Variants in TWSG1 observed in about 807,000 individuals in gnomAD.
TWSG1 encodes twisted gastrulation protein homolog 1.
TWSG1 carries 15 observed loss-of-function variants against 23.0 expected under a neutral mutation model. The ratio of observed to expected loss-of-function variants is 0.65; its 90% CI spans 0.44 to 1.00. The LOEUF is 1.00. Ranked by LOEUF, TWSG1 falls within the 50% of genes least tolerant of loss-of-function variation. The probability of loss-of-function intolerance (pLI) is 0.00; values close to 1 mark genes in which losing one functional copy is unlikely to be tolerated. For missense variants in TWSG1, 242 were observed against 278.7 expected (o/e 0.87, Z 0.94); for synonymous variants, 86 against 92.8 (o/e 0.93, Z 0.42).
intron 3 of TWSG1, among the ~76,000 whole-genome samples, chr18:9,362,049 G>A (rs745460157): frequency 6.6e-5 from 10 of 152,198 alleles, no homozygotes; most frequent in Non-Finnish European, 1.3e-4. Flanking sequence ...AATTCTGAGA[G>A]AATGGGGGCA....
intron 2 of TWSG1, among the ~76,000 whole-genome samples, chr18:9,356,733 C>T (rs1246327927): frequency 6.6e-6 from 1 of 151,980 alleles, no homozygotes; most frequent in Non-Finnish European, 1.5e-5. Flanking sequence ...AAAGGAAATG[C>T]TCATTGAAAG....
chr18:9,341,140 A>T (rs1207238900), intron 2 of TWSG1, among the ~76,000 whole-genome samples: 2 of 152,188 alleles, frequency 1.3e-5, no homozygotes, highest in African/African-American at 4.8e-5. Context: ...AGTGGAGGGA[A>T]CATAGGCCCC....
intron 3 of TWSG1, among the ~76,000 whole-genome samples, chr18:9,383,033 T>A (rs536526485): frequency 2.0e-5 from 3 of 152,006 alleles, no homozygotes; most frequent in African/African-American, 7.2e-5. Flanking sequence ...TATGGCTAGA[T>A]GTTTGTAAAT....
intron 3 of TWSG1, among the ~76,000 whole-genome samples, chr18:9,367,564 G>A (rs553274903): frequency 1.1e-4 from 17 of 152,114 alleles, no homozygotes; most frequent in Non-Finnish European, 1.8e-4. Context: ...CTTAGGAACC[G>A]GGCCACATAG....
Position 9,356,121 on chromosome 18 carries a change from G to T in TWSG1, c.124-3851G>T, listed in dbSNP as rs12104055. Among the ~76,000 whole-genome samples the T allele has an allele frequency of 0.041, 6,191 of 152,242 alleles. 821 individuals carry two copies. In the East Asian group the frequency reaches 0.49, roughly 12 times the overall value. ...TCTCTTTAATTGTACAGTAATGAAAGCTTATCTCTGTCGTTTCCCTCTTGT... is the reference window on the plus strand; with the variant it reads ...TCTCTTTAATTGTACAGTAATGAAATCTTATCTCTGTCGTTTCCCTCTTGT... On this transcript the variant is annotated intron_variant, in intron 2 of 4. Coordinates refer to ENST00000262120, the MANE Select transcript of TWSG1 (RefSeq NM_020648.6).
At chr18:9,357,908 G>A (rs2040534480) in intron 2 of TWSG1, among the ~76,000 whole-genome samples, 1 of 152,082 alleles carries the variant, frequency 6.6e-6, no homozygotes, top group Non-Finnish European at 1.5e-5. Context: ...GCTAATGGCA[G>A]GGTTAACATC....
rs567068328 is a variant in TWSG1, at chr18:9,392,483, G to A, written c.224-3797G>A. ...CCTTGCTCTGGATTGAACTTTAAGG[G>A]AATATTTTGGCTGGTTTGATCTATC... On this transcript the variant is annotated intron_variant, in intron 3 of 4. Coordinates refer to ENST00000262120, the MANE Select transcript of TWSG1 (RefSeq NM_020648.6). Among the ~76,000 whole-genome samples the A allele has an allele frequency of 5.3e-5, 8 of 152,288 alleles. No homozygotes were observed. The South Asian group carries it at 1.4e-3, about 28-fold the overall frequency.
intron 3 of TWSG1, among the ~76,000 whole-genome samples, chr18:9,374,282 A>C (rs954011771): frequency 6.6e-6 from 1 of 152,204 alleles, no homozygotes; most frequent in Non-Finnish European, 1.5e-5. Context: ...AAAATGGATG[A>C]TCTTCTAACT....
chr18:9,355,202 T>C (rs2040520359), intron 2 of TWSG1, among the ~76,000 whole-genome samples: 1 of 152,160 alleles, frequency 6.6e-6, no homozygotes, highest in Non-Finnish European at 1.5e-5. Context: ...GTGATCCGCC[T>C]GCCTTGGCCT....
chr18:9,334,899 C>T lies in TWSG1; in HGVS notation c.-59C>T, dbSNP rs1420716744. 1 of 152,362 alleles carries T rather than the reference C, an allele frequency of 6.6e-6. No individual in the cohort carries two copies. The highest frequency in any genetic ancestry group is 1.5e-5 in the Non-Finnish European group (1 of 68,326). 9.4% of individuals were successfully genotyped at this position (152,362 alleles called of 1,614,324 possible). A position where few individuals can be genotyped will look rare whatever the true frequency, so the allele number is the denominator to read the frequency against. On this transcript the variant is annotated 5_prime_UTR_variant, in exon 1 of 5. Coordinates refer to ENST00000262120, the MANE Select transcript of TWSG1 (RefSeq NM_020648.6). The surrounding 1 kb of genome is among the most constrained non-coding windows in gnomAD (Gnocchi z 4.7). ...CCGGCGGGGATCTAGGGGTGGGCGA[C>T]TTCGCGGGACCGTGGCGCATGGTGA...
intron 3 of TWSG1, among the ~76,000 whole-genome samples, chr18:9,383,106 G>C (rs2040665841): frequency 6.6e-6 from 1 of 151,892 alleles, no homozygotes; most frequent in Non-Finnish European, 1.5e-5. Flanking sequence ...TGGAGACCAT[G>C]GAAAGGAGTT....
At chr18:9,340,903 C>T (rs2040443972) in intron 2 of TWSG1, among the ~76,000 whole-genome samples, 1 of 152,206 alleles carries the variant, frequency 6.6e-6, no homozygotes. Flanking sequence ...CTGCATATGA[C>T]TAGTGGCCAC....
At chr18:9,369,468 C>T (rs1436602223) in intron 3 of TWSG1, among the ~76,000 whole-genome samples, 1 of 152,098 alleles carries the variant, frequency 6.6e-6, no homozygotes, top group Non-Finnish European at 1.5e-5. Context: ...GGGGTTTCAC[C>T]ATGTTGGCCA....
intron 3 of TWSG1, among the ~76,000 whole-genome samples, chr18:9,380,322 C>G (rs534725527): frequency 2.0e-4 from 31 of 152,210 alleles, no homozygotes; most frequent in South Asian, 1.2e-3. Context: ...CTCCTAAGGT[C>G]AAATAACTAG....
intron 3 of TWSG1, among the ~76,000 whole-genome samples, chr18:9,380,255 T>C (rs1301975663): frequency 6.6e-6 from 1 of 152,064 alleles, no homozygotes; most frequent in South Asian, 2.1e-4. Flanking sequence ...AGTGTGAGAG[T>C]GTTATTTTCC....
At chr18:9,393,456 T>C (rs1255219016) in intron 3 of TWSG1, among the ~76,000 whole-genome samples, 1 of 152,246 alleles carries the variant, frequency 6.6e-6, no homozygotes, top group African/African-American at 2.4e-5. Flanking sequence ...AAACACTGTG[T>C]CACCTTGCCC....
At position 9,402,221 on chromosome 18, in the gene TWSG1, T is replaced by C. The variant is rs2145641534; in HGVS notation, c.*2694T>C. 6.6e-6 allele frequency: 1 copy of C among 152,302 alleles called. No individual in the cohort carries two copies. Among genetic ancestry groups the C allele is most frequent in the Admixed American group, 6.5e-5 (1 of 15,280 alleles). 9.4% of individuals were successfully genotyped at this position (152,302 alleles called of 1,614,324 possible). On this transcript the variant is annotated 3_prime_UTR_variant, in exon 5 of 5. Transcript: ENST00000262120. The stretch of plus-strand genomic sequence containing the variant: ...CATTAAAATGGAGAAAAGAAAGTTT[T>C]CTGAAAAAATGCAGTAAATATAAGC...
chr18:9,391,247 C>T (rs772843312), intron 3 of TWSG1, among the ~76,000 whole-genome samples: 12 of 152,184 alleles, frequency 7.9e-5, no homozygotes, highest in Admixed American at 2.6e-4. Context: ...CCTCAGGCTC[C>T]GCTTCTAATT....
intron 3 of TWSG1, among the ~76,000 whole-genome samples, chr18:9,389,386 TA>T (rs796204769): frequency 3.9e-5 from 6 of 152,326 alleles, no homozygotes; most frequent in African/African-American, 1.4e-4. Flanking sequence ...TACGTATAGA[TA>T]TAGTTATTAG....
Sources: gnomAD v4.1 joint callset for allele counts (sites outside exome capture counted in the v4.1 genomes callset) on GRCh38, gnomAD v4.1.1 for gene constraint, Gnocchi (gnomAD v3.1) non-coding constraint, MANE v1.5 for transcripts, NCBI Gene and HGNC (gene_info 2026-07-23, HGNC 2026-07-21) for gene names.